Variants in FBLN7 observed in about 807,000 individuals in gnomAD.
The protein encoded by FBLN7 is fibulin 7.
A neutral mutation model predicts 44.0 loss-of-function variants in FBLN7; 31 were observed. The ratio of observed to expected loss-of-function variants is 0.70; its 90% CI spans 0.53 to 0.95. The LOEUF (loss-of-function observed/expected upper bound fraction) is 0.95, where lower values mean the gene tolerates loss of function less well. Ranked by LOEUF, FBLN7 falls within the 40% of genes least tolerant of loss-of-function variation. The pLI is 0.00. For missense variants in FBLN7, 573 were observed against 618.5 expected, an observed-to-expected ratio of 0.93 and a Z score of 0.78; for synonymous variants, 262 against 253.4, an observed-to-expected ratio of 1.03 and a Z score of -0.32.
intron 2 of FBLN7, among the ~76,000 whole-genome samples, chr2:112,160,757 C>T (rs1179456951): frequency 2.3e-5 from 2 of 88,672 alleles, no homozygotes; most frequent in African/African-American, 9.4e-5. Flanking sequence ...CGCACGCACA[C>T]ACGCACGCAC....
At chr2:112,159,949 C>T (rs976278231) in intron 2 of FBLN7, 114 bp downstream of exon 2, 23 of 776,986 alleles carry the variant, frequency 3.0e-5, no homozygotes, top group Non-Finnish European at 4.0e-5. Context: ...CATCACCTTC[C>T]ATCTTCCAAC....
At chr2:112,175,676 C>T (rs1385537422) in intron 3 of FBLN7, 38 bp from the exon 4 acceptor site, 1 of 1,611,508 alleles carries the variant, frequency 6.2e-7, no homozygotes, top group South Asian at 1.1e-5. Context: ...AGACCTAGAA[C>T]TCACATCCGT....
chr2:112,225,178 T>C, the FBLN7 span, among the ~76,000 whole-genome samples: 1 of 152,206 alleles, frequency 6.6e-6, no homozygotes, highest in Non-Finnish European at 1.5e-5. Context: ...TTATTTTGTA[T>C]GTGTGCATTA....
Position 112,140,585 on chromosome 2 carries a change from G to A in FBLN7, c.75+1855G>A, listed in dbSNP as rs1262411559. ...GGTCCATTGTGGGCGAGGACTCCAC[G>A]TGAGCACCGCCGGGAGGAAGAAGAT... On this transcript the variant is annotated intron_variant, in intron 1 of 7. Coordinates refer to ENST00000331203, the MANE Select transcript of FBLN7 (RefSeq NM_153214.3). Among the ~76,000 whole-genome samples the A allele has an allele frequency of 2.0e-5, 3 of 152,346 alleles. No individual in the cohort carries two copies. The East Asian group carries it at 5.8e-4, about 29-fold the overall frequency.
chr2:112,225,597 A>C, the FBLN7 span, among the ~76,000 whole-genome samples: 5 of 152,238 alleles, frequency 3.3e-5, no homozygotes, highest in African/African-American at 4.8e-5. Context: ...CGGGCAGATC[A>C]CTTGAGGTCA....
At chr2:112,226,951 T>C in the FBLN7 span, among the ~76,000 whole-genome samples, 7 of 152,304 alleles carry the variant, frequency 4.6e-5, no homozygotes, top group South Asian at 4.1e-4. Flanking sequence ...AAAAATTATA[T>C]GGTCATCTCA....
the FBLN7 span, among the ~76,000 whole-genome samples, chr2:112,202,409 C>T: frequency 6.6e-6 from 1 of 151,036 alleles, no homozygotes; most frequent in Non-Finnish European, 1.5e-5. Context: ...TTATATATTA[C>T]ATATATAGAT....
the FBLN7 span, among the ~76,000 whole-genome samples, chr2:112,197,186 A>G: frequency 6.8e-6 from 1 of 147,408 alleles, no homozygotes; most frequent in Non-Finnish European, 1.5e-5. Flanking sequence ...TGCAGATGTA[A>G]TTAGTTAAGA....
chr2:112,238,277 T>C, the FBLN7 span: 2 of 1,592,292 alleles, frequency 1.3e-6, no homozygotes, highest in South Asian at 2.3e-5. Context: ...ACTGCTTCTC[T>C]AGATAAACTT....
At chr2:112,202,261 G>A in the FBLN7 span, among the ~76,000 whole-genome samples, 8 of 152,110 alleles carry the variant, frequency 5.3e-5, no homozygotes, top group East Asian at 3.9e-4. Flanking sequence ...GTGCAATTGC[G>A]TTCCCCAGGA....
the FBLN7 span, among the ~76,000 whole-genome samples, chr2:112,220,531 C>A: frequency 6.6e-6 from 1 of 152,064 alleles, no homozygotes; most frequent in South Asian, 2.1e-4. Context: ...CCTAAAGACC[C>A]CTTTGTAGGG....
intron 5 of FBLN7, chr2:112,182,128 A>G: frequency 5.8e-6 from 3 of 513,266 alleles, no homozygotes; most frequent in Non-Finnish European, 6.8e-6. Context: ...CGCTTGGTTC[A>G]GGAGAGCCTT....
chr2:112,184,705 A>T (rs57551172), intron 6 of FBLN7, among the ~76,000 whole-genome samples: 118 of 36,654 alleles, frequency 3.2e-3, no homozygotes, highest in South Asian at 0.019. Context: ...TATATATATG[A>T]ATATGGTATA....
the FBLN7 span, among the ~76,000 whole-genome samples, chr2:112,195,534 T>G: frequency 6.6e-6 from 1 of 152,230 alleles, no homozygotes. Flanking sequence ...CAAGGTAATT[T>G]ACTGCTCCCA....
At chr2:112,212,002 A>C in the FBLN7 span, 1 of 152,278 alleles carries the variant, frequency 6.6e-6, no homozygotes, top group East Asian at 1.9e-4. Context: ...TTCATTTCTT[A>C]GTCCATTTGG....
the FBLN7 span, among the ~76,000 whole-genome samples, chr2:112,222,530 G>A: frequency 2.0e-5 from 3 of 152,164 alleles, no homozygotes; most frequent in Admixed American, 6.5e-5. Flanking sequence ...TAAGCCTGTT[G>A]AGAAGGACAA....
At chr2:112,179,327 C>CA (rs1682873342) in intron 4 of FBLN7, among the ~76,000 whole-genome samples, 1 of 151,908 alleles carries the variant, frequency 6.6e-6, no homozygotes, top group Admixed American at 6.6e-5. Flanking sequence ...AAACATGGCT[C>CA]AAAAAAATCA....
At chr2:112,237,927 A>C in the FBLN7 span, among the ~76,000 whole-genome samples, 7 of 152,158 alleles carry the variant, frequency 4.6e-5, no homozygotes, top group African/African-American at 1.7e-4. Flanking sequence ...CATTTTAGTA[A>C]TCTAGAAGAA....
chr2:112,189,013 C>T (rs932146378), downstream of FBLN7: 1 of 152,244 alleles, frequency 6.6e-6, no homozygotes, highest in African/African-American at 2.4e-5. Context: ...AAGGGCCTGG[C>T]CAGGTTCCTG....
Sources: allele counts gnomAD v4.1 joint callset (sites outside exome capture counted in the v4.1 genomes callset), GRCh38; gene constraint gnomAD v4.1.1; transcripts MANE v1.5; gene names NCBI Gene and HGNC (gene_info 2026-07-23, HGNC 2026-07-21).